Variants in SPOCK1 observed in about 807,000 individuals in gnomAD.
The protein encoded by SPOCK1 is testican-1.
SPOCK1 carries 23 observed loss-of-function variants against 55.3 expected under a neutral mutation model. The observed-to-expected ratio is 0.42, with a 90% confidence interval of 0.30 to 0.59. SPOCK1 has a LOEUF of 0.59. SPOCK1 is among the 20% of genes least tolerant of loss of function. The pLI is 0.22. For missense variants in SPOCK1, 499 were observed against 552.5 expected (o/e 0.90, Z 0.97); for synonymous variants, 226 against 221.0 (o/e 1.02, Z -0.20).
chr5:137,487,334 A>C (rs1361618539), intron 2 of SPOCK1, among the ~76,000 whole-genome samples: 1 of 120,544 alleles, frequency 8.3e-6, no homozygotes, highest in Non-Finnish European at 1.7e-5. Context: ...CTGATCTTTC[A>C]AAAAAAAAAA....
intron 2 of SPOCK1, among the ~76,000 whole-genome samples, chr5:137,418,108 T>A (rs1306297105): frequency 2.0e-5 from 3 of 152,214 alleles, no homozygotes; most frequent in Non-Finnish European, 4.4e-5. Context: ...TCCAGCTTCA[T>A]CCATGTCCCT....
intron 2 of SPOCK1, among the ~76,000 whole-genome samples, chr5:137,372,385 G>T (rs1751220421): frequency 6.6e-6 from 1 of 152,122 alleles, no homozygotes; most frequent in African/African-American, 2.4e-5. Context: ...TTCCTTATAA[G>T]GATTGGATGC....
intron 5 of SPOCK1, among the ~76,000 whole-genome samples, chr5:137,069,835 T>C (rs1424577791): frequency 6.6e-6 from 1 of 152,234 alleles, no homozygotes; most frequent in Non-Finnish European, 1.5e-5. Context: ...ATGTGTCCAT[T>C]TGTTTCATAA....
At chr5:137,215,668 C>T (rs1561474194) in intron 3 of SPOCK1, among the ~76,000 whole-genome samples, 2 of 152,208 alleles carry the variant, frequency 1.3e-5, no homozygotes, top group Non-Finnish European at 2.9e-5. Context: ...TCAGGCCATA[C>T]TCCCAAACCT....
At chr5:137,232,816 C>G (rs994976331) in intron 3 of SPOCK1, among the ~76,000 whole-genome samples, 1 of 152,226 alleles carries the variant, frequency 6.6e-6, no homozygotes, top group African/African-American at 2.4e-5. Flanking sequence ...AATCCATTAA[C>G]GAGATATGTC....
rs183623798 is a variant in SPOCK1 at position 137,217,598 on chromosome 5, T to C, written c.232+49412A>G. ...TGTCATCTACATCCAAATGTCGGTA[T>C]CACACTGTGGTTTGAAATAAAAAAC... On this transcript the variant is annotated intron_variant, in intron 3 of 10. Coordinates refer to ENST00000394945, the MANE Select transcript of SPOCK1 (RefSeq NM_004598.4). Among the ~76,000 whole-genome samples, 5 of 152,366 alleles carry C rather than the reference T, an allele frequency of 3.3e-5. No individual in the cohort carries two copies. In the East Asian group the frequency reaches 9.6e-4, roughly 29 times the overall value.
At chr5:137,346,858 G>C (rs1750568679) in intron 2 of SPOCK1, among the ~76,000 whole-genome samples, 2 of 152,178 alleles carry the variant, frequency 1.3e-5, no homozygotes, top group African/African-American at 4.8e-5. Context: ...AGGGAACTGA[G>C]AAATACCCCA....
chr5:137,421,283 G>C (rs913740467), intron 2 of SPOCK1, among the ~76,000 whole-genome samples: 1 of 152,148 alleles, frequency 6.6e-6, no homozygotes, highest in Admixed American at 6.5e-5. Flanking sequence ...GTTGATTTAG[G>C]GTGGAGTGTT....
chr5:137,124,110 C>A (rs905323836), intron 4 of SPOCK1, among the ~76,000 whole-genome samples: 4 of 152,106 alleles, frequency 2.6e-5, no homozygotes, highest in Admixed American at 1.3e-4. Context: ...GCCAACTTTC[C>A]ACGTACCACA....
At chr5:137,104,899 T>A (rs1753335551) in intron 5 of SPOCK1, among the ~76,000 whole-genome samples, 1 of 152,178 alleles carries the variant, frequency 6.6e-6, no homozygotes, top group African/African-American at 2.4e-5. Flanking sequence ...ATAAATGTGA[T>A]GTGTTTGAAT....
intron 6 of SPOCK1, among the ~76,000 whole-genome samples, chr5:137,012,600 G>T (rs868025379): frequency 2.0e-5 from 3 of 152,118 alleles, no homozygotes; most frequent in Non-Finnish European, 2.9e-5. Context: ...AAGGCTGTCT[G>T]ATTCCAGGTC....
In SPOCK1 at chr5:137,406,292, G is replaced by A. The variant is rs563495230; in HGVS notation, c.186+92081C>T. 6.6e-5 allele frequency among the ~76,000 whole-genome samples: 10 copies of A among 152,272 alleles called. No homozygotes were observed. The South Asian group carries it at 1.7e-3, about 25-fold the overall frequency. ...AAATGCTGTAGGTGCCAAAGTCATC[G>A]GAAGGAAGAGATTAATTCTAGGACT... On this transcript the variant is annotated intron_variant, in intron 2 of 10. Transcript: ENST00000394945.
Position 137,233,530 on chromosome 5 carries a change from C to T in SPOCK1, c.232+33480G>A, listed in dbSNP as rs541142940. On this transcript the variant is annotated intron_variant, in intron 3 of 10. Coordinates refer to ENST00000394945, the MANE Select transcript of SPOCK1 (RefSeq NM_004598.4). ...GCTCTGCTTGCTCACCTGTCGCTCACCTCCTGCTGTGTGACCCTGTTCCTA... is the reference window on the plus strand; with the variant it reads ...GCTCTGCTTGCTCACCTGTCGCTCATCTCCTGCTGTGTGACCCTGTTCCTA... Among the ~76,000 whole-genome samples, 6 of 152,152 alleles carry T rather than the reference C, an allele frequency of 3.9e-5. No homozygotes were observed. The South Asian group carries it at 1.2e-3, about 32-fold the overall frequency.
intron 6 of SPOCK1, among the ~76,000 whole-genome samples, chr5:137,056,779 G>A (rs1165114414): frequency 6.6e-6 from 1 of 152,000 alleles, no homozygotes; most frequent in Non-Finnish European, 1.5e-5. Context: ...ACCAAACATA[G>A]TAAGGCCAAG....
intron 2 of SPOCK1, among the ~76,000 whole-genome samples, chr5:137,321,342 A>G (rs186426903): frequency 6.6e-6 from 1 of 152,292 alleles, no homozygotes; most frequent in East Asian, 1.9e-4. Context: ...GCTCTGGTAA[A>G]GGAAATGAAC....
At chr5:137,391,070 C>G (rs942763524) in intron 2 of SPOCK1, among the ~76,000 whole-genome samples, 2 of 152,078 alleles carry the variant, frequency 1.3e-5, no homozygotes, top group Non-Finnish European at 2.9e-5. Flanking sequence ...CCCCAACCCC[C>G]CAAGAGAACT....
intron 2 of SPOCK1, among the ~76,000 whole-genome samples, chr5:137,441,812 T>C (rs1753020539): frequency 6.6e-6 from 1 of 152,220 alleles, no homozygotes; most frequent in Admixed American, 6.5e-5. Context: ...TTTCTGTCTA[T>C]GTAGTAAGAC....
chr5:137,232,749 A>G (rs1756092007), intron 3 of SPOCK1, among the ~76,000 whole-genome samples: 1 of 152,238 alleles, frequency 6.6e-6, no homozygotes. Context: ...TAGGAATTTC[A>G]TTGAACCTGT....
At chr5:137,293,908 T>C (rs1561495650) in intron 2 of SPOCK1, among the ~76,000 whole-genome samples, 2 of 152,128 alleles carry the variant, frequency 1.3e-5, no homozygotes. Flanking sequence ...TCCCAGCTAC[T>C]CGGGAGGCTG....
Sources: gnomAD v4.1 joint callset for allele counts (sites outside exome capture counted in the v4.1 genomes callset) on GRCh38, gnomAD v4.1.1 for gene constraint, MANE v1.5 for transcripts, NCBI Gene and HGNC (gene_info 2026-07-23, HGNC 2026-07-21) for gene names.